Variants in ANK3 observed in about 807,000 individuals in gnomAD.
The protein encoded by ANK3 is ankyrin 3.
In ANK3, 57 loss-of-function variants were observed where a neutral mutation model predicts 370.9. That is an observed-to-expected ratio of 0.15 (90% CI 0.12 to 0.19). The LOEUF (loss-of-function observed/expected upper bound fraction) is 0.19, where lower values mean the gene tolerates loss of function less well. Among genes scored for constraint, ANK3 ranks in the 10% least tolerant of loss-of-function variants. The probability of loss-of-function intolerance (pLI) is 1.00; values close to 1 mark genes in which losing one functional copy is unlikely to be tolerated. For missense variants in ANK3, 4,439 were observed against 5,302.1 expected, an observed-to-expected ratio of 0.84 and a Z score of 5.06; for synonymous variants, 1,929 against 1,946.3, an observed-to-expected ratio of 0.99 and a Z score of 0.23.
chr10:60,653,274 T>C (rs2078816793), intron 1 of ANK3, among the ~76,000 whole-genome samples: 1 of 152,188 alleles, frequency 6.6e-6, no homozygotes, highest in South Asian at 2.1e-4. Context: ...CTAGAAGATT[T>C]ACAACTTTAG....
intron 8 of ANK3, among the ~76,000 whole-genome samples, chr10:60,228,340 C>A (rs1048659866): frequency 6.6e-6 from 1 of 151,984 alleles, no homozygotes. Context: ...TCGAGACCAG[C>A]CTGGCCAATA....
chr10:60,651,082 C>G (rs1296166490), intron 1 of ANK3, among the ~76,000 whole-genome samples: 1 of 151,960 alleles, frequency 6.6e-6, no homozygotes, highest in East Asian at 1.9e-4. Flanking sequence ...GGTGACAAAG[C>G]AAATCTAAAA....
At chr10:60,177,746 C>T (rs991413492) in intron 18 of ANK3, among the ~76,000 whole-genome samples, 6 of 151,836 alleles carry the variant, frequency 4.0e-5, no homozygotes, top group Non-Finnish European at 7.4e-5. Context: ...TACAGGCACC[C>T]GCCACCATGC....
At chr10:60,242,978 C>T (rs1023332319) in intron 7 of ANK3, among the ~76,000 whole-genome samples, 1 of 152,122 alleles carries the variant, frequency 6.6e-6, no homozygotes, top group Non-Finnish European at 1.5e-5. Flanking sequence ...CCAGGTCATG[C>T]TGTCACCGTA....
intron 2 of ANK3, among the ~76,000 whole-genome samples, chr10:60,424,515 A>G (rs1401114018): frequency 6.6e-6 from 1 of 152,034 alleles, no homozygotes; most frequent in African/African-American, 2.4e-5. Context: ...TACACCAAAC[A>G]TTTTTGAGCT....
At chr10:60,626,489 T>C (rs1350870974) in intron 1 of ANK3, among the ~76,000 whole-genome samples, 2 of 152,194 alleles carry the variant, frequency 1.3e-5, no homozygotes, top group African/African-American at 4.8e-5. Context: ...CTACTGTGGT[T>C]TATGCCTATG....
intron 42 of ANK3, chr10:60,044,847 C>A (rs2076682598): frequency 6.6e-6 from 1 of 152,150 alleles, no homozygotes; most frequent in African/African-American, 2.4e-5. Flanking sequence ...AGATAATACA[C>A]ACATTTTTTG....
intron 1 of ANK3, among the ~76,000 whole-genome samples, chr10:60,721,172 T>C (rs577448641): frequency 2.6e-5 from 4 of 152,328 alleles, no homozygotes; most frequent in African/African-American, 9.6e-5. Flanking sequence ...AAAATATACA[T>C]GAAGTACTAT....
At chr10:60,506,208 A>T (rs948207325) in intron 2 of ANK3, among the ~76,000 whole-genome samples, 3 of 152,140 alleles carry the variant, frequency 2.0e-5, no homozygotes, top group Non-Finnish European at 4.4e-5. Context: ...CTAACAAAAA[A>T]GTGCTGTTCT....
In ANK3 at chr10:60,140,257, ATTATT is replaced by A; in HGVS notation, c.2615-1175_2615-1171del. ...TACTGCTGCTACCCAGTACCAAGAG[ATTATT>A]TTAAGTAACTATTTACGGCTGGGCT... On this transcript the variant is annotated intron_variant, in intron 23 of 43. Coordinates refer to ENST00000280772, the MANE Select transcript of ANK3 (RefSeq NM_020987.5). The A allele has an allele frequency of 7.6e-6, 10 of 1,321,924 alleles. No individual in the cohort carries two copies. In the South Asian group the frequency reaches 1.2e-4, roughly 16 times the overall value. The allele number at this position is 1,321,924 out of a possible 1,614,324, so 81.9% of individuals were successfully genotyped here.
intron 17 of ANK3, among the ~76,000 whole-genome samples, chr10:60,184,525 A>ATCT (rs1189253528): frequency 6.6e-6 from 1 of 152,214 alleles, no homozygotes; most frequent in Admixed American, 6.5e-5. Flanking sequence ...AAGCCAGTTG[A>ATCT]TCTTTTAGAA....
chr10:60,601,689 C>G (rs972059678), intron 2 of ANK3, among the ~76,000 whole-genome samples: 2 of 152,082 alleles, frequency 1.3e-5, no homozygotes, highest in Non-Finnish European at 2.9e-5. Flanking sequence ...CTAGTGAAAT[C>G]TGAATAGAGT....
chr10:60,686,898 G>C (rs959490836), intron 1 of ANK3, among the ~76,000 whole-genome samples: 7 of 152,264 alleles, frequency 4.6e-5, no homozygotes, highest in South Asian at 2.1e-4. Context: ...GTGTAACAAT[G>C]TTTCAGTGAA....
intron 2 of ANK3, among the ~76,000 whole-genome samples, chr10:60,608,322 C>T (rs2078155706): frequency 6.6e-6 from 1 of 152,152 alleles, no homozygotes; most frequent in African/African-American, 2.4e-5. Flanking sequence ...CAATCAGCTA[C>T]ATCAGGAAGT....
chr10:60,247,640 T>G (rs2097577663), intron 7 of ANK3, among the ~76,000 whole-genome samples: 2 of 152,168 alleles, frequency 1.3e-5, no homozygotes, highest in South Asian at 4.1e-4. Context: ...GTGACTGGCT[T>G]ATTTCACTCA....
intron 1 of ANK3, among the ~76,000 whole-genome samples, chr10:60,319,873 A>C (rs2048255634): frequency 6.6e-6 from 1 of 152,150 alleles, no homozygotes; most frequent in South Asian, 2.1e-4. Flanking sequence ...AAATACTGTT[A>C]TCTCTTTCCC....
chr10:60,252,344 G>T (rs1257490355), intron 7 of ANK3, among the ~76,000 whole-genome samples: 1 of 152,166 alleles, frequency 6.6e-6, no homozygotes, highest in Non-Finnish European at 1.5e-5. Context: ...CAACGTGCTG[G>T]AACATTTAGC....
intron 1 of ANK3, among the ~76,000 whole-genome samples, chr10:60,356,317 T>G (rs4948411): frequency 0.76 from 115,630 of 152,156 alleles, 44,056 homozygotes; most frequent in South Asian, 0.92. Context: ...ACTGCCTCTG[T>G]GCATGTATCT....
intron 2 of ANK3, chr10:60,572,873 G>A (rs2077631562): frequency 9.6e-7 from 1 of 1,042,858 alleles, no homozygotes; most frequent in South Asian, 4.0e-5. Context: ...ACAGTGATTT[G>A]AGCCTGGAAA....
Sources: gnomAD v4.1 joint callset for allele counts (sites outside exome capture counted in the v4.1 genomes callset) on GRCh38, gnomAD v4.1.1 for gene constraint, MANE v1.5 for transcripts, NCBI Gene and HGNC (gene_info 2026-07-23, HGNC 2026-07-21) for gene names.